SOX6: variants seen among roughly 807,000 people sequenced by gnomAD.
The protein encoded by SOX6 is SRY-box transcription factor 6, also known as transcription factor SOX-6.
A neutral mutation model predicts 97.8 loss-of-function variants in SOX6; 11 were observed. That is an observed-to-expected ratio of 0.11 (90% CI 0.07 to 0.19). The LOEUF is 0.19. Ranked by LOEUF, SOX6 falls within the 10% of genes least tolerant of loss-of-function variation. The probability of loss-of-function intolerance (pLI) is 1.00; values close to 1 mark genes in which losing one functional copy is unlikely to be tolerated. For missense variants in SOX6, 810 were observed against 1,039.5 expected, an observed-to-expected ratio of 0.78 and a Z score of 3.04; for synonymous variants, 360 against 371.4, an observed-to-expected ratio of 0.97 and a Z score of 0.35.
At chr11:16,367,710 T>C (rs561426498) in intron 1 of SOX6, among the ~76,000 whole-genome samples, 1 of 152,302 alleles carries the variant, frequency 6.6e-6, no homozygotes, top group East Asian at 1.9e-4. Flanking sequence ...TAGGAGCTTA[T>C]CACCACAACA....
chr11:16,299,695 C>T (rs901399141), intron 3 of SOX6, among the ~76,000 whole-genome samples: 3 of 152,096 alleles, frequency 2.0e-5, no homozygotes, highest in Non-Finnish European at 4.4e-5. Context: ...ACCTGAAGCT[C>T]TGCAAAATAT....
chr11:15,986,829 A>G (rs1853858066), intron 14 of SOX6, among the ~76,000 whole-genome samples: 1 of 152,148 alleles, frequency 6.6e-6, no homozygotes, highest in South Asian at 2.1e-4. Flanking sequence ...ACATCTCCCA[A>G]ACTCCAAGTA....
intron 1 of SOX6, among the ~76,000 whole-genome samples, chr11:16,474,376 A>G (rs1860197579): frequency 6.6e-6 from 1 of 152,202 alleles, no homozygotes; most frequent in South Asian, 2.1e-4. Flanking sequence ...CAATTAGCAG[A>G]ATTACTATGT....
chr11:16,234,755 GA>G, intron 3 of SOX6, 84 bp from the exon 4 acceptor site: 1 of 769,704 alleles, frequency 1.3e-6, no homozygotes, highest in Non-Finnish European at 2.0e-6. Flanking sequence ...TCTCATTTAA[GA>G]ATGCATAAAG....
At chr11:16,369,223 A>AG (rs1476213350) in intron 1 of SOX6, among the ~76,000 whole-genome samples, 1 of 152,144 alleles carries the variant, frequency 6.6e-6, no homozygotes, top group Non-Finnish European at 1.5e-5. Context: ...AAAAATGAAA[A>AG]ATAACATTTG....
chr11:16,206,101 T>C (rs551874729), intron 4 of SOX6, among the ~76,000 whole-genome samples: 1 of 152,226 alleles, frequency 6.6e-6, no homozygotes, highest in Admixed American at 6.5e-5. Context: ...GTTGTATATA[T>C]ACACACATAT....
At chr11:16,493,749 G>T (rs1324858940) in intron 4 of SOX6, among the ~76,000 whole-genome samples, 4 of 152,102 alleles carry the variant, frequency 2.6e-5, no homozygotes, top group Admixed American at 6.6e-5. Flanking sequence ...ACAACGAGAT[G>T]TCAGTTTTCA....
At chr11:16,176,070 CGGATGGAT>C (rs71826187) in intron 6 of SOX6, among the ~76,000 whole-genome samples, 227 of 148,402 alleles carry the variant, frequency 1.5e-3, no homozygotes, top group African/African-American at 2.9e-3. Flanking sequence ...GACGGACGGA[CGGATGGAT>C]GGATGGATGG....
At chr11:16,601,760 C>A (rs1315510092) in intron 4 of SOX6, among the ~76,000 whole-genome samples, 1 of 151,900 alleles carries the variant, frequency 6.6e-6, no homozygotes, top group Non-Finnish European at 1.5e-5. Context: ...TCATCAGTGA[C>A]CAATAACTAA....
chr11:16,146,731 A>C (rs1205105992), intron 6 of SOX6, among the ~76,000 whole-genome samples: 3 of 152,234 alleles, frequency 2.0e-5, no homozygotes, highest in Non-Finnish European at 4.4e-5. Context: ...ACTTTTATGC[A>C]GCCAACAGAC....
chr11:16,344,552 A>G (rs1856725437), intron 1 of SOX6, among the ~76,000 whole-genome samples: 1 of 151,972 alleles, frequency 6.6e-6, no homozygotes, highest in Non-Finnish European at 1.5e-5. Context: ...AGAAACTCAT[A>G]AATCAAATAT....
rs181757590 is a variant in SOX6, at chr11:16,450,201, T to G, written c.-5+26114A>C. Among the ~76,000 whole-genome samples the G allele has an allele frequency of 1.6e-3, 247 of 152,294 alleles. 1 individual carries two copies. The highest frequency in any genetic ancestry group is 2.8e-3 in the Non-Finnish European group (189 of 68,026). The stretch of plus-strand genomic sequence containing the variant: ...AGGTAACTGACTATCAGCTGTTAAG[T>G]AAGTCATATGCCTTAAAAAAGGAGA... On this transcript the variant is annotated intron_variant, in intron 1 of 15. Coordinates refer to the SOX6 transcript ENST00000396356.
chr11:16,323,329 G>T (rs116797735), intron 2 of SOX6, among the ~76,000 whole-genome samples: 1 of 152,242 alleles, frequency 6.6e-6, no homozygotes, highest in African/African-American at 2.4e-5. Flanking sequence ...TTTTAATTAA[G>T]ATGTTTTCCA....
chr11:16,200,048 AC>A (rs1851892284), intron 4 of SOX6, among the ~76,000 whole-genome samples: 1 of 152,194 alleles, frequency 6.6e-6, no homozygotes, highest in Non-Finnish European at 1.5e-5. Flanking sequence ...CAAAGAAATG[AC>A]TGTCCATGGA....
chr11:16,662,712 C>T, intron 3 of SOX6, among the ~76,000 whole-genome samples: 1 of 151,832 alleles, frequency 6.6e-6, no homozygotes. Flanking sequence ...TTTTTCTTTT[C>T]AGACAGGGTC....
chr11:16,594,075 C>T (rs1023702975), intron 4 of SOX6, among the ~76,000 whole-genome samples: 9 of 152,072 alleles, frequency 5.9e-5, no homozygotes, highest in Non-Finnish European at 1.0e-4. Context: ...CTTTGGAAAA[C>T]GGCCCAAGGT....
chr11:16,036,205 G>A (rs533747237), intron 12 of SOX6, among the ~76,000 whole-genome samples: 10 of 151,080 alleles, frequency 6.6e-5, no homozygotes, highest in Admixed American at 4.6e-4. Context: ...TCAGCCTCCC[G>A]AGTAGCTGGG....
rs150890568 is a variant in SOX6, at chr11:16,256,437, G to T, written c.446-21766C>A. 2.2e-4 allele frequency among the ~76,000 whole-genome samples: 33 copies of T among 151,936 alleles called. No individual in the cohort carries two copies. In the East Asian group the frequency reaches 6.2e-3, roughly 28 times the overall value. ...TAATGGAATACATCACACATCAACA[G>T]GCTAACAATGATAAATCATATGATC... On this transcript the variant is annotated intron_variant, in intron 3 of 15. Coordinates refer to ENST00000683767, the MANE Select transcript of SOX6 (RefSeq NM_001367873.1).
chr11:15,973,298 A>G (rs760065244), intron 15 of SOX6, among the ~76,000 whole-genome samples, 186 bp from the exon 16 acceptor site: 22 of 152,220 alleles, frequency 1.4e-4, no homozygotes, highest in Non-Finnish European at 2.2e-4. Flanking sequence ...CCTTGATGCT[A>G]TGTTAGGGGT....
Sources: gnomAD v4.1 joint callset for allele counts (sites outside exome capture counted in the v4.1 genomes callset) on GRCh38, gnomAD v4.1.1 for gene constraint, MANE v1.5 for transcripts, NCBI Gene and HGNC (gene_info 2026-07-23, HGNC 2026-07-21) for gene names.